EHMT1: variants seen among roughly 807,000 people sequenced by gnomAD.
The protein encoded by EHMT1 is euchromatic histone lysine methyltransferase 1, also known as histone-lysine N-methyltransferase EHMT1.
A neutral mutation model predicts 147.2 loss-of-function variants in EHMT1; 15 were observed. The ratio of observed to expected loss-of-function variants is 0.10; its 90% CI spans 0.07 to 0.16. The LOEUF (loss-of-function observed/expected upper bound fraction) is 0.16. Among genes scored for constraint, EHMT1 ranks in the 10% least tolerant of loss-of-function variants. The pLI, the probability that EHMT1 is intolerant of heterozygous loss-of-function variation, is 1.00. For missense variants in EHMT1, 1,587 were observed against 1,772.4 expected (o/e 0.90, Z 1.88); for synonymous variants, 795 against 709.6 (o/e 1.12, Z -1.91).
At chr9:137,833,934 T>A (rs1956406808) in intron 25 of EHMT1, 2 of 249,578 alleles carry the variant, frequency 8.0e-6, no homozygotes, top group Non-Finnish European at 1.6e-5. Context: ...GCTCCATCCC[T>A]CCCGACCCCC....
rs943053062 is a variant in EHMT1 at position 137,731,216 on chromosome 9, C to T, written c.823+2687C>T. 6.6e-6 allele frequency among the ~76,000 whole-genome samples: 1 copy of T among 152,170 alleles called. No homozygotes were observed. Among genetic ancestry groups the T allele is most frequent in the African/African-American group, 2.4e-5 (1 of 41,426 alleles). On this transcript the variant is annotated intron_variant, in intron 4 of 26. Transcript: ENST00000460843. The surrounding 1 kb of genome is among the most constrained non-coding windows in gnomAD (Gnocchi z 4.3). ...GGTCCATCAGCGTGTTAGCCTAGGACAGTGTGTAAAATGGCCTTGAGCACT... is the reference window on the plus strand; with the variant it reads ...GGTCCATCAGCGTGTTAGCCTAGGATAGTGTGTAAAATGGCCTTGAGCACT...
chr9:137,738,770 G>A (rs1947785948), intron 4 of EHMT1: 1 of 152,190 alleles, frequency 6.6e-6, no homozygotes, highest in Non-Finnish European at 1.5e-5. Flanking sequence ...GGGACACTGT[G>A]CCGAATGAAG....
At chr9:137,643,337 GTTTTT>G (rs71493685) in intron 1 of EHMT1, among the ~76,000 whole-genome samples, 4 of 111,870 alleles carry the variant, frequency 3.6e-5, no homozygotes, top group Admixed American at 1.1e-4. Flanking sequence ...GTGTATAAAG[GTTTTT>G]TTTTTTTTTT....
intron 1 of EHMT1, among the ~76,000 whole-genome samples, chr9:137,632,581 T>G (rs1843702977): frequency 6.6e-6 from 1 of 152,152 alleles, no homozygotes; most frequent in African/African-American, 2.4e-5. Flanking sequence ...TTTTTGTATT[T>G]TTGGTAGAGA....
intron 18 of EHMT1, chr9:137,803,187 T>C (rs1258796954): frequency 8.3e-7 from 1 of 1,206,146 alleles, no homozygotes; most frequent in Non-Finnish European, 1.0e-6. Flanking sequence ...ATTTCAAGTT[T>C]GTTATTTATA....
chr9:137,743,280 G>C (rs1387807922), intron 4 of EHMT1, 91 bp from the exon 5 acceptor site: 1 of 1,499,396 alleles, frequency 6.7e-7, no homozygotes, highest in African/African-American at 1.4e-5. Flanking sequence ...TGGTGATCAA[G>C]TTTTGTAAAC....
intron 18 of EHMT1, among the ~76,000 whole-genome samples, chr9:137,809,771 C>G (rs1373991367): frequency 6.6e-6 from 1 of 152,226 alleles, no homozygotes; most frequent in Non-Finnish European, 1.5e-5. Flanking sequence ...CAGAAATATA[C>G]CAACAGACAT....
intron 1 of EHMT1, among the ~76,000 whole-genome samples, chr9:137,663,623 A>G (rs1939318412): frequency 1.3e-5 from 2 of 152,238 alleles, no homozygotes; most frequent in Non-Finnish European, 2.9e-5. Flanking sequence ...TCATTCCAAA[A>G]AGATGTTTGT....
In EHMT1 at chr9:137,825,523, G is replaced by A. The variant is rs1020135292; in HGVS notation, c.3540+7385G>A. 3.3e-5 allele frequency among the ~76,000 whole-genome samples: 5 copies of A among 152,268 alleles called. 1 individual carries two copies. Among genetic ancestry groups the A allele is most frequent in the Admixed American group, 6.5e-5 (1 of 15,292 alleles). Reference sequence around the variant, plus strand: ...ACCTCTGTTTGTGTCCTGTGGATTTGGCTGGGCCATCAGTCTTGGGTGGGA... The same window carrying A: ...ACCTCTGTTTGTGTCCTGTGGATTTAGCTGGGCCATCAGTCTTGGGTGGGA... On this transcript the variant is annotated intron_variant, in intron 25 of 26. Transcript: ENST00000460843.
intron 13 of EHMT1, 127 bp downstream of exon 13, chr9:137,778,182 C>G (rs1321038507): frequency 4.0e-5 from 50 of 1,255,264 alleles, no homozygotes; most frequent in Non-Finnish European, 5.4e-5. Flanking sequence ...TAGAATAATT[C>G]GTATATTTTC....
chr9:137,653,357 GT>G (rs1243907997), intron 1 of EHMT1, among the ~76,000 whole-genome samples: 4 of 152,132 alleles, frequency 2.6e-5, no homozygotes, highest in Admixed American at 6.6e-5. Context: ...GCCTCGGTGC[GT>G]AGTAGGCATC....
chr9:137,629,426 C>T (rs980527277), intron 1 of EHMT1, among the ~76,000 whole-genome samples: 3 of 146,742 alleles, frequency 2.0e-5, no homozygotes, highest in Non-Finnish European at 3.0e-5. Flanking sequence ...TGGAGTCTCG[C>T]TCTGTTGCCC....
intron 1 of EHMT1, among the ~76,000 whole-genome samples, chr9:137,636,774 A>G (rs1366986561): frequency 1.3e-5 from 2 of 151,344 alleles, no homozygotes; most frequent in Non-Finnish European, 2.9e-5. Context: ...AATCTTGTTG[A>G]GTTTGATTTG....
At chr9:137,645,312 G>A (rs1844807745) in intron 1 of EHMT1, among the ~76,000 whole-genome samples, 1 of 152,248 alleles carries the variant, frequency 6.6e-6, no homozygotes, top group Non-Finnish European at 1.5e-5. Context: ...ATATGTTTTT[G>A]TGGCCCAGGG....
At chr9:137,790,789 T>C in intron 15 of EHMT1, 59 bp from the exon 16 acceptor site, 4 of 1,613,832 alleles carry the variant, frequency 2.5e-6, no homozygotes, top group Non-Finnish European at 3.4e-6. Context: ...AAGTCACTTC[T>C]CCCCAGGCGG....
At chr9:137,754,470 C>T (rs1457146590) in intron 8 of EHMT1, among the ~76,000 whole-genome samples, 179 bp downstream of exon 8, 2 of 152,090 alleles carry the variant, frequency 1.3e-5, no homozygotes, top group East Asian at 3.8e-4. Flanking sequence ...TAGTTTCCTT[C>T]TGGCCAATGT....
intron 1 of EHMT1, among the ~76,000 whole-genome samples, chr9:137,639,600 A>G (rs549695266): frequency 5.3e-5 from 8 of 151,938 alleles, no homozygotes; most frequent in Non-Finnish European, 1.0e-4. Flanking sequence ...TTTAAAGTCT[A>G]TTTTGTCTGA....
intron 18 of EHMT1, among the ~76,000 whole-genome samples, chr9:137,810,192 CG>C (rs1564804394): frequency 3.1e-4 from 39 of 124,010 alleles, no homozygotes; most frequent in African/African-American, 9.3e-4. Flanking sequence ...GATGCCGCCC[CG>C]TGTGGACCGT....
chr9:137,629,961 A>G (rs1020221081), intron 1 of EHMT1, among the ~76,000 whole-genome samples: 1 of 151,952 alleles, frequency 6.6e-6, no homozygotes, highest in African/African-American at 2.4e-5. Context: ...TCATGTATTA[A>G]AAAAAAATCT....
Sources: allele counts gnomAD v4.1 joint callset (sites outside exome capture counted in the v4.1 genomes callset), GRCh38; gene constraint gnomAD v4.1.1; non-coding constraint Gnocchi (gnomAD v3.1); transcripts MANE v1.5; gene names NCBI Gene and HGNC (gene_info 2026-07-23, HGNC 2026-07-21).